The following DAB1 variants were observed in gnomAD, a reference collection of about 807,000 sequenced individuals.
The protein encoded by DAB1 is disabled homolog 1.
A neutral mutation model predicts 64.6 loss-of-function variants in DAB1; 15 were observed. That is an observed-to-expected ratio of 0.23 (90% CI 0.16 to 0.36). The LOEUF (loss-of-function observed/expected upper bound fraction) is 0.36, where lower values mean the gene tolerates loss of function less well. DAB1 is among the 10% of genes least tolerant of loss of function. DAB1 has a pLI of 1.00. For synonymous variants in DAB1, 235 were observed against 251.9 expected (o/e 0.93, Z 0.64); for missense variants, 596 against 706.7 (o/e 0.84, Z 1.78).
At chr1:57,672,083 C>G (rs1373568346) in intron 6 of DAB1, among the ~76,000 whole-genome samples, 1 of 152,008 alleles carries the variant, frequency 6.6e-6, no homozygotes, top group African/African-American at 2.4e-5. Context: ...CTTTAACTTC[C>G]CCATTTTACA....
intron 5 of DAB1, among the ~76,000 whole-genome samples, chr1:58,125,981 A>T (rs1653050611): frequency 6.6e-6 from 1 of 152,218 alleles, no homozygotes; most frequent in Admixed American, 6.5e-5. Context: ...GGCTGTTACC[A>T]CGGAGGAGCC....
At chr1:57,589,711 CA>C (rs776306582) in intron 7 of DAB1, among the ~76,000 whole-genome samples, 3 of 152,072 alleles carry the variant, frequency 2.0e-5, no homozygotes, top group Non-Finnish European at 2.9e-5. Flanking sequence ...GAGCCGAAAT[CA>C]TGACACTGCA....
chr1:57,524,928 A>T (rs1377869706), intron 7 of DAB1, among the ~76,000 whole-genome samples: 3 of 152,218 alleles, frequency 2.0e-5, no homozygotes. Context: ...CTCACAAAGA[A>T]TATGGAAAGA....
At chr1:58,274,799 T>C (rs563488568) in intron 4 of DAB1, among the ~76,000 whole-genome samples, 7 of 152,102 alleles carry the variant, frequency 4.6e-5, no homozygotes, top group Non-Finnish European at 1.0e-4. Context: ...TTTCTTTGAC[T>C]CGGAAAGGGA....
intron 9 of DAB1, among the ~76,000 whole-genome samples, chr1:57,028,119 A>G (rs1646850421): frequency 1.3e-5 from 2 of 152,124 alleles, no homozygotes. Context: ...CCAAATCTCA[A>G]CTTGCATTGT....
chr1:58,161,312 T>C (rs974300302), intron 4 of DAB1, among the ~76,000 whole-genome samples: 2 of 152,184 alleles, frequency 1.3e-5, no homozygotes, highest in African/African-American at 2.4e-5. Context: ...CATGAACACA[T>C]GCATACAGTA....
At chr1:57,603,748 T>C (rs1217197751) in intron 7 of DAB1, among the ~76,000 whole-genome samples, 2 of 152,222 alleles carry the variant, frequency 1.3e-5, no homozygotes, top group African/African-American at 4.8e-5. Flanking sequence ...TTTTGGATGG[T>C]ACCCAAAGGC....
At chr1:57,508,624 T>TAGTGGAAAA (rs1469135264) in intron 7 of DAB1, among the ~76,000 whole-genome samples, 3 of 152,186 alleles carry the variant, frequency 2.0e-5, no homozygotes, top group Admixed American at 6.5e-5. Context: ...ACAGACAATG[T>TAGTGGAAAA]CTAAACCAAT....
At chr1:57,588,491 A>G (rs1164093001) in intron 7 of DAB1, among the ~76,000 whole-genome samples, 1 of 152,230 alleles carries the variant, frequency 6.6e-6, no homozygotes. Flanking sequence ...GAGAATTAAA[A>G]TCCTGAATAC....
downstream of DAB1, among the ~76,000 whole-genome samples, chr1:57,825,503 T>G (rs557927271): frequency 1.3e-5 from 2 of 152,150 alleles, no homozygotes; most frequent in Non-Finnish European, 2.9e-5. Context: ...TGGATTTTAT[T>G]CTATAAAAGA....
rs1187405115 is a variant in DAB1 at position 57,193,679 on chromosome 1, T to C, written c.68-48250A>G. ...GCATTGTAGGCTTGAGCCATGCATATGTATTTTTTAAAGCACCAATCAACT... is the reference window on the plus strand; with the variant it reads ...GCATTGTAGGCTTGAGCCATGCATACGTATTTTTTAAAGCACCAATCAACT... On this transcript the variant is annotated intron_variant, in intron 2 of 14. Transcript: ENST00000371236. Among the ~76,000 whole-genome samples, 4 of 152,322 alleles carry C rather than the reference T, an allele frequency of 2.6e-5. No individual in the cohort carries two copies. The East Asian group carries it at 5.8e-4, about 22-fold the overall frequency.
chr1:57,606,607 A>G (rs1249649629), intron 7 of DAB1, among the ~76,000 whole-genome samples: 1 of 119,052 alleles, frequency 8.4e-6, no homozygotes, highest in Non-Finnish European at 1.6e-5. Context: ...TATTATATAT[A>G]TGAAATATAT....
chr1:58,215,650 CT>C, intron 4 of DAB1, among the ~76,000 whole-genome samples: 1 of 152,102 alleles, frequency 6.6e-6, no homozygotes, highest in Non-Finnish European at 1.5e-5. Context: ...CCATCTCTAT[CT>C]GGCCTTTCAG....
intron 3 of DAB1, among the ~76,000 whole-genome samples, chr1:58,455,897 A>T (rs926922363): frequency 1.3e-5 from 2 of 152,182 alleles, no homozygotes; most frequent in African/African-American, 4.8e-5. Context: ...ATGTCCCCAA[A>T]GGGATAGCTC....
At chr1:57,533,841 C>A (rs1406555764) in intron 7 of DAB1, among the ~76,000 whole-genome samples, 1 of 151,998 alleles carries the variant, frequency 6.6e-6, no homozygotes, top group Non-Finnish European at 1.5e-5. Flanking sequence ...AGAATAAACA[C>A]AGCTTCAGAT....
chr1:58,307,720 GC>G (rs1380974404), intron 4 of DAB1, among the ~76,000 whole-genome samples: 2 of 151,976 alleles, frequency 1.3e-5, no homozygotes, highest in African/African-American at 4.8e-5. Flanking sequence ...CATATGCAGA[GC>G]CTGGGAAGCA....
intron 3 of DAB1, among the ~76,000 whole-genome samples, chr1:58,403,960 T>C (rs1160813958): frequency 6.6e-6 from 1 of 152,218 alleles, no homozygotes; most frequent in Non-Finnish European, 1.5e-5. Context: ...ATTTACATTA[T>C]GGAAAAACTT....
chr1:57,740,039 A>C, intron 6 of DAB1, among the ~76,000 whole-genome samples: 1 of 126,090 alleles, frequency 7.9e-6, no homozygotes, highest in African/African-American at 3.5e-5. Context: ...TACTACTACT[A>C]CTACTACAAA....
chr1:57,466,426 T>C (rs1272672966), intron 7 of DAB1, among the ~76,000 whole-genome samples: 1 of 152,204 alleles, frequency 6.6e-6, no homozygotes, highest in Non-Finnish European at 1.5e-5. Context: ...TTCAAATGAT[T>C]GTTCTGCTAT....
Sources: gnomAD v4.1 joint callset for allele counts (sites outside exome capture counted in the v4.1 genomes callset) on GRCh38, gnomAD v4.1.1 for gene constraint, MANE v1.5 for transcripts, NCBI Gene and HGNC (gene_info 2026-07-23, HGNC 2026-07-21) for gene names.